Variants in IQGAP1 observed in about 807,000 individuals in gnomAD.
IQGAP1 encodes ras GTPase-activating-like protein IQGAP1.
In IQGAP1, 66 loss-of-function variants were observed where a neutral mutation model predicts 215.6. The observed-to-expected ratio is 0.31, with a 90% CI of 0.25 to 0.38. The LOEUF (loss-of-function observed/expected upper bound fraction) is 0.38, where lower values mean the gene tolerates loss of function less well. IQGAP1 is among the 10% of genes least tolerant of loss of function. The pLI, the probability that IQGAP1 is intolerant of heterozygous loss-of-function variation, is 1.00. For missense variants in IQGAP1, 1,712 were observed against 1,997.1 expected (o/e 0.86, Z 2.72); for synonymous variants, 772 against 728.7 (o/e 1.06, Z -0.96).
At position 90,467,448 on chromosome 15, in the gene IQGAP1, A is replaced by G. The variant is rs1965847249; in HGVS notation, c.2036-2A>G. 6.2e-7 allele frequency: 1 copy of G among 1,606,530 alleles called. No homozygotes were observed. Among genetic ancestry groups the G allele is most frequent in the African/African-American group, 1.3e-5 (1 of 74,138 alleles). On this transcript the variant is annotated splice_acceptor_variant, in intron 17 of 37. Coordinates refer to ENST00000268182, the MANE Select transcript of IQGAP1 (RefSeq NM_003870.4). LOFTEE classifies it high-confidence loss of function. ...TTCTATCTTTCCTTTATTTTCTGCC[A>G]GGAGATAATAACAGCAAGTGGGTGA...
At chr15:90,432,452 C>T (rs977427719) in intron 4 of IQGAP1, among the ~76,000 whole-genome samples, 1 of 152,174 alleles carries the variant, frequency 6.6e-6, no homozygotes, top group Non-Finnish European at 1.5e-5. Flanking sequence ...CCCCAGGGCT[C>T]TATTTTTATC....
At position 90,454,403 on chromosome 15, in the gene IQGAP1, C is replaced by T. The variant is rs376428981; in HGVS notation, c.1488-25C>T. 16 of 1,612,764 alleles carry T rather than the reference C, an allele frequency of 9.9e-6. No individual in the cohort carries two copies. The African/African-American group carries it at 1.7e-4, about 18-fold the overall frequency. On this transcript the variant is annotated intron_variant, in intron 13 of 37. Coordinates refer to ENST00000268182, the MANE Select transcript of IQGAP1 (RefSeq NM_003870.4). ...ATTTAAACATGCTGTGCTTAATGCT[C>T]TTTTTACTTGGGGGTCTGGGGCAGG...
chr15:90,441,451 T>C, intron 7 of IQGAP1, 55 bp from the exon 8 acceptor site: 1 of 1,448,744 alleles, frequency 6.9e-7, no homozygotes, highest in African/African-American at 1.4e-5. Flanking sequence ...ATACATCCTG[T>C]AATCTATATA....
At chr15:90,443,006 C>T (rs1197583075) in intron 8 of IQGAP1, among the ~76,000 whole-genome samples, 1 of 151,646 alleles carries the variant, frequency 6.6e-6, no homozygotes, top group Non-Finnish European at 1.5e-5. Context: ...GTCACCTAGG[C>T]TGGAGTGCAG....
chr15:90,411,905 C>T (rs1056692007), intron 2 of IQGAP1, among the ~76,000 whole-genome samples: 5 of 152,070 alleles, frequency 3.3e-5, no homozygotes, highest in South Asian at 2.1e-4. Flanking sequence ...CTTAAACAAA[C>T]GAAAAACTTT....
intron 28 of IQGAP1, chr15:90,482,774 A>G: frequency 1.0e-6 from 1 of 970,544 alleles, no homozygotes. Flanking sequence ...TTTCTTCTGA[A>G]TGAAACTCTA....
At chr15:90,404,422 A>G (rs1027675351) in intron 2 of IQGAP1, among the ~76,000 whole-genome samples, 5 of 152,178 alleles carry the variant, frequency 3.3e-5, no homozygotes, top group African/African-American at 9.7e-5. Context: ...GCATCTTTAC[A>G]TGTGTTTAAA....
intron 8 of IQGAP1, among the ~76,000 whole-genome samples, chr15:90,442,198 T>C (rs1965460768): frequency 6.6e-6 from 1 of 152,234 alleles, no homozygotes; most frequent in Non-Finnish European, 1.5e-5. Context: ...GTTAGTTAAA[T>C]GATTCTGACT....
chr15:90,476,725 G>A lies in IQGAP1; in HGVS notation c.2847G>A (p.Met949Ile), dbSNP rs138093554. The change falls in exon 24 of 38, where the codon ATG becomes ATA. Residue 949 changes from methionine to isoleucine, a missense_variant. Met to Ile is a conservative substitution (Grantham distance 10, BLOSUM62 1). Transcript: ENST00000268182. ...ATAAGGAACAGTTGTCTGATATGAT[G>A]ATGATAAATAAACAGAAGGGAGGTC... ...KKNKEQLSDM[M>I]MINKQKGGLK... The A allele has an allele frequency of 2.1e-5, 34 of 1,606,128 alleles. No individual in the cohort carries two copies. The highest frequency in any genetic ancestry group is 2.9e-5 in the Non-Finnish European group (34 of 1,177,902).
chr15:90,485,946 T>G, intron 30 of IQGAP1, 84 bp from the exon 31 acceptor site: 1 of 1,004,428 alleles, frequency 1.0e-6, no homozygotes, highest in Non-Finnish European at 1.5e-6. Flanking sequence ...GGAACCTCTT[T>G]GTGCAGATCA....
intron 33 of IQGAP1, among the ~76,000 whole-genome samples, chr15:90,488,230 T>TAATAAATAAATAAATAAATAAATA (rs76285758): frequency 8.1e-5 from 12 of 147,620 alleles, no homozygotes; most frequent in African/African-American, 2.8e-4. Context: ...CAAAAAATAA[T>TAATAAATAAATAAATAAATAAATA]AATAAATAAA....
chr15:90,429,213 A>T (rs1160931429), intron 3 of IQGAP1, among the ~76,000 whole-genome samples: 1 of 152,192 alleles, frequency 6.6e-6, no homozygotes, highest in Non-Finnish European at 1.5e-5. Flanking sequence ...TAATTTGTTC[A>T]TGTGCATTAT....
chr15:90,484,207 G>A lies in IQGAP1; in HGVS notation c.3789-13G>A, dbSNP rs762188292. 6.2e-7 allele frequency: 1 copy of A among 1,612,142 alleles called. No individual in the cohort carries two copies. Among genetic ancestry groups the A allele is most frequent in the Non-Finnish European group, 8.5e-7 (1 of 1,179,336 alleles). ...GTCCCTTTTTGGGGGGCTGCCTCCTGTGCTTATTTCAGACGGTTTTTCCAA... is the reference window on the plus strand; with the variant it reads ...GTCCCTTTTTGGGGGGCTGCCTCCTATGCTTATTTCAGACGGTTTTTCCAA... On this transcript the variant is annotated splice_polypyrimidine_tract_variant and intron_variant, in intron 29 of 37. Coordinates refer to ENST00000268182, the MANE Select transcript of IQGAP1 (RefSeq NM_003870.4).
intron 1 of IQGAP1, among the ~76,000 whole-genome samples, chr15:90,389,708 A>G (rs1596242507): frequency 6.6e-6 from 1 of 151,162 alleles, no homozygotes; most frequent in Non-Finnish European, 1.5e-5. Flanking sequence ...TAATCCCAGC[A>G]CTTTGGGAGT....
intron 15 of IQGAP1, among the ~76,000 whole-genome samples, chr15:90,456,749 G>A (rs963315720): frequency 1.3e-5 from 2 of 150,410 alleles, no homozygotes; most frequent in Non-Finnish European, 3.0e-5. Flanking sequence ...TTAGCTGGGC[G>A]TGGTGGTGCA....
chr15:90,456,875 A>G (rs1448382456), intron 15 of IQGAP1, among the ~76,000 whole-genome samples: 2 of 149,290 alleles, frequency 1.3e-5, no homozygotes, highest in African/African-American at 4.9e-5. Context: ...GGGACAGAGT[A>G]AGACTCCGTC....
chr15:90,482,172 T>C (rs368275875), intron 27 of IQGAP1, 25 bp from the exon 28 acceptor site: 8 of 1,614,060 alleles, frequency 5.0e-6, no homozygotes, highest in Non-Finnish European at 6.8e-6. Context: ...TTGGCCCTTC[T>C]CACTAAGTTT....
At position 90,491,518 on chromosome 15, in the gene IQGAP1, C is replaced by T. The variant is rs756675438; in HGVS notation, c.4434C>T (p.Tyr1478=). The T allele has an allele frequency of 1.2e-5, 19 of 1,613,942 alleles. No individual in the cohort carries two copies. The Admixed American group carries it at 1.8e-4, about 16-fold the overall frequency. Residue 1478 remains tyrosine, a synonymous_variant, in exon 34 of 38, where the codon TAC becomes TAT. Coordinates refer to ENST00000268182, the MANE Select transcript of IQGAP1 (RefSeq NM_003870.4). ...GAACCGTGGACCCAAAGAACAAATA[C>T]CAGGAACTGATCAACGACATTGCCA... The part of the protein sequence containing the change: ...ELGTVDPKNK[Y]QELINDIARD...
At position 90,432,073 on chromosome 15, in the gene IQGAP1, G is replaced by T. The variant is rs553742374; in HGVS notation, c.391-1646G>T. Among the ~76,000 whole-genome samples, 10 of 152,108 alleles carry T rather than the reference G, an allele frequency of 6.6e-5. No homozygotes were observed. The South Asian group carries it at 1.7e-3, about 25-fold the overall frequency. On this transcript the variant is annotated intron_variant, in intron 4 of 37. Transcript: ENST00000268182. ...TTAGATACATTTTCCCATTTTCATG[G>T]TTTCATTTATTCTCAAGACTTGCTG...
Sources: allele counts gnomAD v4.1 joint callset (sites outside exome capture counted in the v4.1 genomes callset), GRCh38; gene constraint gnomAD v4.1.1; transcripts MANE v1.5; gene names NCBI Gene and HGNC (gene_info 2026-07-23, HGNC 2026-07-21).